CSMD3: variants seen among roughly 807,000 people sequenced by gnomAD.
The protein encoded by CSMD3 is CUB and Sushi multiple domains 3.
Under a neutral mutation model 435.2 loss-of-function variants are expected in CSMD3, and 177 were observed. The observed-to-expected ratio is 0.41, with a 90% CI of 0.36 to 0.46. The LOEUF (loss-of-function observed/expected upper bound fraction) is 0.46. CSMD3 is among the 20% of genes least tolerant of loss of function. CSMD3 has a pLI of 0.34. For synonymous variants in CSMD3, 1,656 were observed against 1,520.5 expected, an observed-to-expected ratio of 1.09 and a Z score of -2.07; for missense variants, 4,265 against 4,504.6, an observed-to-expected ratio of 0.95 and a Z score of 1.52.
At chr8:113,417,788 A>T (rs75595938) in intron 1 of CSMD3, among the ~76,000 whole-genome samples, 1,842 of 152,164 alleles carry the variant, frequency 0.012, 25 homozygotes, top group African/African-American at 0.041. Context: ...AGCTAAAGGA[A>T]ATTAGAACAT....
At chr8:112,941,252 A>G (rs1212137222) in intron 9 of CSMD3, among the ~76,000 whole-genome samples, 1 of 151,894 alleles carries the variant, frequency 6.6e-6, no homozygotes, top group Non-Finnish European at 1.5e-5. Flanking sequence ...TTTGAAGCCA[A>G]CTATGTGGGA....
At chr8:112,543,705 C>T (rs559355727) in intron 27 of CSMD3, among the ~76,000 whole-genome samples, 32 of 152,112 alleles carry the variant, frequency 2.1e-4, no homozygotes, top group South Asian at 4.2e-4. Flanking sequence ...AACTACTTTA[C>T]GATCCAACAA....
intron 13 of CSMD3, among the ~76,000 whole-genome samples, chr8:112,762,271 C>T (rs889639198): frequency 1.3e-5 from 2 of 151,852 alleles, no homozygotes; most frequent in Non-Finnish European, 2.9e-5. Flanking sequence ...ATTCTTTACC[C>T]ATATTGGGAA....
chr8:112,916,760 A>C (rs900644319), intron 10 of CSMD3, among the ~76,000 whole-genome samples: 2 of 151,912 alleles, frequency 1.3e-5, no homozygotes, highest in Non-Finnish European at 2.9e-5. Flanking sequence ...AGTTGCAATG[A>C]TCTTATTACT....
At chr8:112,951,807 G>A (rs912473423) in intron 8 of CSMD3, among the ~76,000 whole-genome samples, 1 of 151,460 alleles carries the variant, frequency 6.6e-6, no homozygotes, top group African/African-American at 2.4e-5. Flanking sequence ...AATCATTTAT[G>A]GCAGGCTCAC....
chr8:113,227,336 A>G (rs1212524151), intron 3 of CSMD3, among the ~76,000 whole-genome samples: 2 of 151,620 alleles, frequency 1.3e-5, no homozygotes, highest in African/African-American at 4.8e-5. Flanking sequence ...CTTCATCAAT[A>G]GCCAGAGTAG....
intron 6 of CSMD3, among the ~76,000 whole-genome samples, chr8:112,978,725 C>T (rs1462038298): frequency 1.3e-5 from 2 of 151,862 alleles, no homozygotes; most frequent in Non-Finnish European, 2.9e-5. Flanking sequence ...CTAACCAGTT[C>T]TTATGTTTTA....
intron 4 of CSMD3, among the ~76,000 whole-genome samples, chr8:113,101,877 G>T (rs1439816545): frequency 6.6e-6 from 1 of 152,016 alleles, no homozygotes; most frequent in African/African-American, 2.4e-5. Flanking sequence ...AAAAATTTTG[G>T]TTTGGTGTCC....
At chr8:113,379,806 A>T (rs1404820131) in intron 1 of CSMD3, among the ~76,000 whole-genome samples, 1 of 152,238 alleles carries the variant, frequency 6.6e-6, no homozygotes, top group East Asian at 1.9e-4. Flanking sequence ...CAGTAGCCTT[A>T]TATATGCAGG....
chr8:112,437,696 C>T (rs1352993), intron 32 of CSMD3, among the ~76,000 whole-genome samples: 64,814 of 151,720 alleles, frequency 0.43, 14,822 homozygotes, highest in Middle Eastern at 0.6. Context: ...GATTTTAGTG[C>T]TCTTGAAAAA....
intron 4 of CSMD3, among the ~76,000 whole-genome samples, chr8:113,142,697 T>C (rs1279782519): frequency 1.3e-5 from 2 of 150,858 alleles, no homozygotes; most frequent in East Asian, 3.9e-4. Flanking sequence ...ACAGAGTAAC[T>C]ACGGTCAACA....
chr8:112,294,815 C>A (rs1402504657), intron 54 of CSMD3, among the ~76,000 whole-genome samples: 2 of 152,096 alleles, frequency 1.3e-5, no homozygotes, highest in Non-Finnish European at 2.9e-5. Flanking sequence ...TCTAAAATTA[C>A]ATATATTCAT....
intron 36 of CSMD3, among the ~76,000 whole-genome samples, chr8:112,385,816 A>T (rs1829893158): frequency 6.6e-6 from 1 of 152,192 alleles, no homozygotes. Context: ...ATCTCCAAGA[A>T]AATCTATTGC....
chr8:112,665,576 GT>G (rs1257461991), intron 17 of CSMD3, among the ~76,000 whole-genome samples: 1 of 152,048 alleles, frequency 6.6e-6, no homozygotes, highest in South Asian at 2.1e-4. Context: ...GCTTAAATAA[GT>G]TTTTTTGTTC....
At chr8:112,526,717 T>A (rs1421154293) in intron 27 of CSMD3, among the ~76,000 whole-genome samples, 1 of 152,002 alleles carries the variant, frequency 6.6e-6, no homozygotes, top group Non-Finnish European at 1.5e-5. Flanking sequence ...CTTTGCTCAC[T>A]TTAAATATTT....
intron 5 of CSMD3, among the ~76,000 whole-genome samples, chr8:113,020,481 A>C (rs948817039): frequency 6.6e-6 from 1 of 152,198 alleles, no homozygotes; most frequent in Admixed American, 6.5e-5. Flanking sequence ...GCTGTATTAT[A>C]CTTCTACCAT....
chr8:112,794,547 G>A (rs183503275), intron 13 of CSMD3, among the ~76,000 whole-genome samples: 3 of 151,872 alleles, frequency 2.0e-5, no homozygotes, highest in East Asian at 1.9e-4. Flanking sequence ...CACCCACCTC[G>A]GCCTCCCAAA....
At chr8:113,300,538 C>A (rs2093757679) in intron 2 of CSMD3, among the ~76,000 whole-genome samples, 1 of 152,112 alleles carries the variant, frequency 6.6e-6, no homozygotes, top group African/African-American at 2.4e-5. Flanking sequence ...TTCTTTGCAG[C>A]CACCTGGATA....
Position 112,407,372 on chromosome 8 carries a change from C to CT in CSMD3, c.5606-646dup, listed in dbSNP as rs761808356. Reference sequence around the variant, plus strand: ...TTATAGGTATGCCCTTTAATTGTGCCTTTTTTTTGGTTTAGTAAAATAGAA... The same window carrying CT: ...TTATAGGTATGCCCTTTAATTGTGCCTTTTTTTTTGGTTTAGTAAAATAGAA... On this transcript the variant is annotated intron_variant, in intron 34 of 70. Coordinates refer to ENST00000297405, the MANE Select transcript of CSMD3 (RefSeq NM_198123.2). Among the ~76,000 whole-genome samples, 117 of 151,406 alleles carry CT rather than the reference C, an allele frequency of 7.7e-4. 1 individual carries two copies. In the East Asian group the frequency reaches 0.018, roughly 23 times the overall value.
Sources: gnomAD v4.1 joint callset for allele counts (sites outside exome capture counted in the v4.1 genomes callset) on GRCh38, gnomAD v4.1.1 for gene constraint, MANE v1.5 for transcripts, NCBI Gene and HGNC (gene_info 2026-07-23, HGNC 2026-07-21) for gene names.